The following FRMPD4 variants were observed in gnomAD, a reference collection of about 807,000 sequenced individuals.
FRMPD4 encodes the protein FERM and PDZ domain containing 4.
FRMPD4 carries 22 observed loss-of-function variants against 94.1 expected under a neutral mutation model. The observed-to-expected ratio is 0.23, with a 90% confidence interval of 0.17 to 0.33. The LOEUF (loss-of-function observed/expected upper bound fraction) is 0.33, where lower values mean the gene tolerates loss of function less well. Ranked by LOEUF, FRMPD4 falls within the 10% of genes least tolerant of loss-of-function variation. The pLI is 1.00. For missense variants in FRMPD4, 1,111 were observed against 1,339.9 expected (o/e 0.83, Z 2.67); for synonymous variants, 631 against 548.6 (o/e 1.15, Z -2.10).
intron 3 of FRMPD4, among the ~76,000 whole-genome samples, chrX:12,042,743 ATC>A (rs2054763458): frequency 8.9e-6 from 1 of 111,989 alleles, no homozygotes; most frequent in African/African-American, 3.2e-5. Context: ...CTAAGGTGAT[ATC>A]ATTTCCAGAA....
intron 3 of FRMPD4, among the ~76,000 whole-genome samples, chrX:11,945,291 C>T (rs1366426284): frequency 8.9e-6 from 1 of 111,963 alleles, no homozygotes; most frequent in Non-Finnish European, 1.9e-5. Context: ...GGTTTTAGAA[C>T]ATAAGATTTT....
chrX:12,457,200 C>A lies in FRMPD4; in HGVS notation c.42-41480C>A, dbSNP rs1247164014. Among the ~76,000 whole-genome samples the A allele has an allele frequency of 3.6e-5, 4 of 111,568 alleles. No homozygotes were observed. The East Asian group carries it at 1.1e-3, about 31-fold the overall frequency. Reference sequence around the variant, plus strand: ...TTGTCCCCTTCGTCAAAAGGAAATGCCAACACAATCTTGAAGAACATTTTC... The same window carrying A: ...TTGTCCCCTTCGTCAAAAGGAAATGACAACACAATCTTGAAGAACATTTTC... On this transcript the variant is annotated intron_variant, in intron 1 of 16. Transcript: ENST00000675598.
At chrX:12,132,997 A>G (rs1288993557) in intron 3 of FRMPD4, among the ~76,000 whole-genome samples, 1 of 110,225 alleles carries the variant, frequency 9.1e-6, no homozygotes, top group African/African-American at 3.3e-5. Flanking sequence ...TCATGTTTGA[A>G]TGCACATGGG....
chrX:12,702,076 T>A (rs1218208398), intron 10 of FRMPD4, 66 bp downstream of exon 10: 3 of 1,068,358 alleles, frequency 2.8e-6, no homozygotes, highest in Non-Finnish European at 2.6e-6. Context: ...CGGGTGTATT[T>A]TTGTTATTTG....
chrX:11,831,908 C>G (rs2053477044), intron 1 of FRMPD4, among the ~76,000 whole-genome samples: 1 of 112,190 alleles, frequency 8.9e-6, no homozygotes, highest in Non-Finnish European at 1.9e-5. Context: ...TGTCTGCAAA[C>G]AGTTTAAAAG....
intron 2 of FRMPD4, among the ~76,000 whole-genome samples, chrX:12,546,140 A>G (rs1259260828): frequency 3.7e-5 from 4 of 109,464 alleles, no homozygotes; most frequent in Non-Finnish European, 7.6e-5. Context: ...AGTGAAATAT[A>G]TCCCAAATCG....
At chrX:12,479,656 C>T (rs1485045031) in intron 1 of FRMPD4, among the ~76,000 whole-genome samples, 1 of 107,738 alleles carries the variant, frequency 9.3e-6, no homozygotes, top group Non-Finnish European at 1.9e-5. Context: ...TGCGCCATGC[C>T]TGGCTAATTT....
At chrX:12,587,001 G>A (rs1262774620) in intron 2 of FRMPD4, among the ~76,000 whole-genome samples, 1 of 109,526 alleles carries the variant, frequency 9.1e-6, no homozygotes, top group Non-Finnish European at 1.9e-5. Context: ...TTTTGAGACG[G>A]AATCTCACTC....
chrX:11,999,996 G>A (rs1289748096), intron 3 of FRMPD4, among the ~76,000 whole-genome samples: 1 of 111,927 alleles, frequency 8.9e-6, no homozygotes, highest in Non-Finnish European at 1.9e-5. Flanking sequence ...ACTCTTTGAC[G>A]AAAAGAACTC....
In FRMPD4 at chrX:12,557,616, A is replaced by C. The variant is rs189414958; in HGVS notation, c.159-52105A>C. On this transcript the variant is annotated intron_variant, in intron 2 of 16. Coordinates refer to ENST00000675598, the MANE Select transcript of FRMPD4 (RefSeq NM_001368397.1). ...AACTATCCCCATTGGAATATGTTGA[A>C]AATGTAGCACTTAGAAAATCTCTCC... 4.6e-3 allele frequency among the ~76,000 whole-genome samples: 518 copies of C among 112,516 alleles called. 6 individuals carry two copies. The highest frequency in any genetic ancestry group is 0.016 in the African/African-American group (503 of 31,003).
Position 12,613,386 on chromosome X carries a change from C to T in FRMPD4, c.320-1393C>T, listed in dbSNP as rs567776950. Among the ~76,000 whole-genome samples the T allele has an allele frequency of 3.6e-5, 4 of 111,948 alleles. No homozygotes were observed. The South Asian group carries it at 1.1e-3, about 32-fold the overall frequency. Reference sequence around the variant, plus strand: ...GAAGAGTCCAAGCTAAGATCTAGTCCGTCCTTCAAGTCAATTCTTTAACCT... The same window carrying T: ...GAAGAGTCCAAGCTAAGATCTAGTCTGTCCTTCAAGTCAATTCTTTAACCT... On this transcript the variant is annotated intron_variant, in intron 3 of 16. Coordinates refer to ENST00000675598, the MANE Select transcript of FRMPD4 (RefSeq NM_001368397.1).
chrX:12,579,092 G>A (rs181380952), intron 2 of FRMPD4, among the ~76,000 whole-genome samples: 8 of 112,046 alleles, frequency 7.1e-5, no homozygotes, highest in Admixed American at 5.7e-4. Flanking sequence ...TTTCATCCAA[G>A]GTATAGAAAT....
At chrX:12,083,313 C>A (rs2055077211) in intron 3 of FRMPD4, among the ~76,000 whole-genome samples, 1 of 113,113 alleles carries the variant, frequency 8.8e-6, no homozygotes, top group South Asian at 3.6e-4. Flanking sequence ...AAGCCCCAAG[C>A]CTTGGCAGCT....
At chrX:12,344,392 TTCTTC>T (rs1373840717) in intron 1 of FRMPD4, among the ~76,000 whole-genome samples, 1 of 111,151 alleles carries the variant, frequency 9.0e-6, no homozygotes, top group Non-Finnish European at 1.9e-5. Flanking sequence ...CAAATTCCAT[TTCTTC>T]TCTTCTCTTC....
chrX:11,839,937 C>T (rs2053524276), intron 1 of FRMPD4, among the ~76,000 whole-genome samples: 1 of 111,480 alleles, frequency 9.0e-6, no homozygotes, highest in South Asian at 3.7e-4. Context: ...TTCTATTGGT[C>T]TATATACCTA....
At chrX:11,904,056 T>A (rs925528794) in intron 3 of FRMPD4, among the ~76,000 whole-genome samples, 1 of 111,942 alleles carries the variant, frequency 8.9e-6, no homozygotes, top group African/African-American at 3.2e-5. Flanking sequence ...GCTGGGATTA[T>A]AGGCATGAGC....
chrX:12,086,073 G>C (rs1161607168), intron 3 of FRMPD4, among the ~76,000 whole-genome samples: 1 of 55,648 alleles, frequency 1.8e-5, no homozygotes, highest in African/African-American at 5.6e-5. Flanking sequence ...GCCTGTGTCT[G>C]TGTGCGTGTG....
At position 12,058,795 on chromosome X, in the gene FRMPD4, T is replaced by A. The variant is rs751453992; in HGVS notation, c.95+180777T>A. On this transcript the variant is annotated intron_variant, in intron 3 of 18. Coordinates refer to the FRMPD4 transcript ENST00000640291. Reference sequence around the variant, plus strand: ...CTCCCTGCCCAGAGATATTTGGCAATGTCTGGAGACATTTTTCCTTGTCAT... The same window carrying A: ...CTCCCTGCCCAGAGATATTTGGCAAAGTCTGGAGACATTTTTCCTTGTCAT... 2.7e-5 allele frequency among the ~76,000 whole-genome samples: 3 copies of A among 111,082 alleles called. No individual in the cohort carries two copies. In the Admixed American group the frequency reaches 2.9e-4, roughly 11 times the overall value.
chrX:11,947,321 T>G (rs1164757306), intron 3 of FRMPD4, among the ~76,000 whole-genome samples: 4 of 112,387 alleles, frequency 3.6e-5, no homozygotes, highest in African/African-American at 1.3e-4. Context: ...TAAGAAAAAT[T>G]GAACTGTGTC....
Sources: gnomAD v4.1 joint callset for allele counts (sites outside exome capture counted in the v4.1 genomes callset) on GRCh38, gnomAD v4.1.1 for gene constraint, MANE v1.5 for transcripts, NCBI Gene and HGNC (gene_info 2026-07-23, HGNC 2026-07-21) for gene names.